TSPAN10: variants seen among roughly 807,000 people sequenced by gnomAD.
The protein encoded by TSPAN10 is tetraspanin-10.
TSPAN10 carries 11 observed loss-of-function variants against 15.0 expected under a neutral mutation model. The ratio of observed to expected loss-of-function variants is 0.73; its 90% CI spans 0.46 to 1.21. TSPAN10 has a LOEUF of 1.21. Ranked by LOEUF, TSPAN10 falls within the 50% of genes most tolerant of loss-of-function variation. The pLI, the probability that TSPAN10 is intolerant of heterozygous loss-of-function variation, is 0.00. For synonymous variants in TSPAN10, 241 were observed against 226.2 expected (o/e 1.07, Z -0.59); for missense variants, 486 against 470.6 (o/e 1.03, Z -0.30).
At chr17:81,645,759 A>G in intron 2 of TSPAN10, 130 bp downstream of exon 3, 2 of 1,193,826 alleles carry the variant, frequency 1.7e-6, no homozygotes, top group East Asian at 2.5e-5. Context: ...GCACACGTAT[A>G]CCCACATGTA....
At chr17:81,648,416 G>A (rs1166489679), downstream of TSPAN10, 3 of 957,746 alleles carry the variant, frequency 3.1e-6, no homozygotes, top group East Asian at 1.2e-4. Context: ...GGGTGACTTC[G>A]CCGCAGGACC....
upstream of TSPAN10, chr17:81,639,034 C>G (rs1046336977): frequency 2.0e-5 from 3 of 151,898 alleles, no homozygotes; most frequent in African/African-American, 7.3e-5. Flanking sequence ...TAAGCGCCTC[C>G]CGAAGTTATT....
chr17:81,637,261 C>T (rs181873860), exon 1 of TSPAN10: 2 of 529,172 alleles, frequency 3.8e-6, no homozygotes, highest in African/African-American at 2.0e-5. Flanking sequence ...TACTTCTGCT[C>T]GTCCTCGGAA....
upstream of TSPAN10, among the ~76,000 whole-genome samples, chr17:81,639,824 A>T (rs1271607004): frequency 6.6e-6 from 1 of 151,686 alleles, no homozygotes; most frequent in African/African-American, 2.4e-5. Context: ...TAAAAATAAA[A>T]AAAAAATTAG....
downstream of TSPAN10, chr17:81,648,324 G>C: frequency 8.3e-7 from 1 of 1,202,658 alleles, no homozygotes; most frequent in Middle Eastern, 3.3e-4. Context: ...AGACCGCCAC[G>C]CACAGGGATA....
chr17:81,648,352 C>A, downstream of TSPAN10: 1 of 1,192,936 alleles, frequency 8.4e-7, no homozygotes. Flanking sequence ...CGCCTCCGCC[C>A]GGCTAAAAAG....
At chr17:81,642,845 G>T (rs2036192301) in intron 1 of TSPAN10, among the ~76,000 whole-genome samples, 1 of 152,014 alleles carries the variant, frequency 6.6e-6, no homozygotes, top group Non-Finnish European at 1.5e-5. Flanking sequence ...TGAGGTCTTG[G>T]GGGTGATAAA....
exon 3 of TSPAN10, chr17:81,648,150 G>C: frequency 6.7e-7 from 1 of 1,481,894 alleles, no homozygotes. Context: ...AGGGCGCGGA[G>C]CTCCTGCTGG....
At chr17:81,642,586 A>AG (rs1598709149) in intron 1 of TSPAN10, 138 bp downstream of exon 2, 3 of 883,222 alleles carry the variant, frequency 3.4e-6, no homozygotes, top group Middle Eastern at 3.4e-4. Flanking sequence ...GATTGGGTTG[A>AG]GGGGGGTGGT....
chr17:81,645,420 G>C, exon 2 of TSPAN10: 1 of 1,603,100 alleles, frequency 6.2e-7, no homozygotes, highest in Non-Finnish European at 8.5e-7. Context: ...GCTTCTCTGG[G>C]GGCATCCTTG....
exon 2 of TSPAN10, chr17:81,645,215 T>A: frequency 1.3e-6 from 2 of 1,542,158 alleles, no homozygotes; most frequent in Non-Finnish European, 1.7e-6. Flanking sequence ...AACTTCCCCT[T>A]CTCCCTGCTG....
At chr17:81,640,594 A>G (rs539821092), upstream of TSPAN10, among the ~76,000 whole-genome samples, 1 of 152,022 alleles carries the variant, frequency 6.6e-6, no homozygotes, top group Non-Finnish European at 1.5e-5. Context: ...GATTACAGGC[A>G]TGCGCCACGA....
At chr17:81,642,653 C>G (rs1056665461) in intron 1 of TSPAN10, among the ~76,000 whole-genome samples, 24 of 152,344 alleles carry the variant, frequency 1.6e-4, no homozygotes, top group African/African-American at 5.5e-4. Flanking sequence ...CCATGCTGGC[C>G]TCTGGTCAAG....
chr17:81,641,941 C>T (rs1375037752), upstream of TSPAN10, among the ~76,000 whole-genome samples: 6 of 151,878 alleles, frequency 4.0e-5, no homozygotes, highest in African/African-American at 7.3e-5. Flanking sequence ...GTGAACAAGC[C>T]GGGGGATAGA....
chr17:81,648,351 C>T, downstream of TSPAN10: 2 of 1,193,932 alleles, frequency 1.7e-6, no homozygotes, highest in Non-Finnish European at 2.1e-6. Context: ...GCGCCTCCGC[C>T]CGGCTAAAAA....
At chr17:81,642,380 C>T, upstream of TSPAN10, 2 of 1,613,450 alleles carry the variant, frequency 1.2e-6, no homozygotes, top group Non-Finnish European at 1.7e-6. Context: ...CTCCCGGCGC[C>T]TGTGCTGGGG....
exon 1 of TSPAN10, chr17:81,637,205 A>C: frequency 2.2e-6 from 1 of 458,996 alleles, no homozygotes; most frequent in Non-Finnish European, 3.9e-6. Flanking sequence ...CGCCCCCGCC[A>C]TCCCTGCAAC....
At chr17:81,641,758 A>G (rs1031371101), upstream of TSPAN10, among the ~76,000 whole-genome samples, 1 of 152,108 alleles carries the variant, frequency 6.6e-6, no homozygotes, top group Non-Finnish European at 1.5e-5. Flanking sequence ...TCTACAAAAA[A>G]AATTCAAAAA....
chr17:81,647,982 C>T (rs1426137811), exon 3 of TSPAN10: 5 of 1,611,466 alleles, frequency 3.1e-6, no homozygotes, highest in South Asian at 1.1e-5. Flanking sequence ...AAGATGGAGC[C>T]TCTGTCAACG....
Sources: gnomAD v4.1 joint callset for allele counts (sites outside exome capture counted in the v4.1 genomes callset) on GRCh38, gnomAD v4.1.1 for gene constraint, MANE v1.5 for transcripts, NCBI Gene and HGNC (gene_info 2026-07-23, HGNC 2026-07-21) for gene names.